The following CTDNEP1 variants were observed in gnomAD, a reference collection of about 807,000 sequenced individuals.
CTDNEP1 encodes C-terminal domain nuclear envelope phosphatase 1.
CTDNEP1 carries 3 observed loss-of-function variants against 30.1 expected under a neutral mutation model. The observed-to-expected ratio is 0.10, with a 90% CI of 0.05 to 0.26. The LOEUF (loss-of-function observed/expected upper bound fraction) is 0.26. CTDNEP1 is among the 10% of genes least tolerant of loss of function. The pLI, the probability that CTDNEP1 is intolerant of heterozygous loss-of-function variation, is 1.00. For synonymous variants in CTDNEP1, 123 were observed against 118.8 expected, an observed-to-expected ratio of 1.04 and a Z score of -0.23; for missense variants, 158 against 310.4, an observed-to-expected ratio of 0.51 and a Z score of 3.69.
chr17:7,247,524 A>C (rs2071857680), intron 1 of CTDNEP1, among the ~76,000 whole-genome samples, 181 bp from the exon 2 acceptor site: 1 of 147,336 alleles, frequency 6.8e-6, no homozygotes, highest in African/African-American at 2.5e-5. Flanking sequence ...GCTGGAGTGC[A>C]GCGGCATGAT....
At chr17:7,249,718 C>T (rs1429891026) in intron 1 of CTDNEP1, among the ~76,000 whole-genome samples, 2 of 152,180 alleles carry the variant, frequency 1.3e-5, no homozygotes, top group Non-Finnish European at 2.9e-5. Flanking sequence ...TGAGACCATC[C>T]TGGCCAACAT....
intron 6 of CTDNEP1, 32 bp downstream of exon 6, chr17:7,245,994 G>T: frequency 6.9e-7 from 1 of 1,451,364 alleles, no homozygotes; most frequent in Non-Finnish European, 9.7e-7. Context: ...ACCATGTTCT[G>T]GTCCTGCCAG....
rs1001722108 is a variant in CTDNEP1, at chr17:7,247,383, G to T, written c.103-40C>A. ...AAAGAGGATTGAAACCCTTGATAAGGAAGCCTTCCCCAGTAACAGTAACAG... is the reference window on the plus strand; with the variant it reads ...AAAGAGGATTGAAACCCTTGATAAGTAAGCCTTCCCCAGTAACAGTAACAG... On this transcript the variant is annotated intron_variant, in intron 1 of 7. Coordinates refer to ENST00000574322, the MANE Select transcript of CTDNEP1 (RefSeq NM_001143775.2). 10 of 1,538,940 alleles carry T rather than the reference G, an allele frequency of 6.5e-6. No individual in the cohort carries two copies. In the African/African-American group the frequency reaches 1.4e-4, roughly 21 times the overall value.
At chr17:7,248,087 C>T (rs901955387) in intron 1 of CTDNEP1, among the ~76,000 whole-genome samples, 2 of 150,758 alleles carry the variant, frequency 1.3e-5, no homozygotes, top group African/African-American at 4.9e-5. Context: ...ATGGTGAAAC[C>T]CCGTCTCTAC....
intron 6 of CTDNEP1, among the ~76,000 whole-genome samples, chr17:7,245,122 C>T (rs1050421003): frequency 3.9e-5 from 6 of 152,124 alleles, no homozygotes; most frequent in African/African-American, 9.7e-5. Context: ...GAAACTCCGT[C>T]GCTACTAAAA....
Position 7,247,081 on chromosome 17 carries a change from G to C in CTDNEP1, c.271C>G (p.Pro91Ala). The C allele has an allele frequency of 6.2e-7, 1 of 1,612,100 alleles. No individual in the cohort carries two copies. The highest frequency in any genetic ancestry group is 1.3e-5 in the African/African-American group (1 of 74,960). ...LRPTVRPGTP[P>A]DFILKVVIDK... ...CCACACACCTTGAGGATGAAGTCAG[G>C]AGGCGTACCAGGCCGGACTGTGGGC... The change falls in exon 3 of 8, where the codon CCT (proline) becomes GCT (alanine). Residue 91 changes from proline to alanine, a missense_variant. Physicochemically the swap from Pro to Ala is conservative, Grantham distance 27 (BLOSUM62 -1). Transcript: ENST00000574322.
rs34926505 is a variant in CTDNEP1, at chr17:7,244,031, TC to T, written c.*153del. ...CCCTGGCCCATGTGTCCATCCAGAC[TC>T]CAAGTGGAGTGTAGGGCTCCCAGGG... On this transcript the variant is annotated 3_prime_UTR_variant, in exon 8 of 8. Coordinates refer to ENST00000574322, the MANE Select transcript of CTDNEP1 (RefSeq NM_001143775.2). 7.0e-7 allele frequency: 1 copy of T among 1,435,602 alleles called. No homozygotes were observed. The highest frequency in any genetic ancestry group is 2.6e-4 in the Middle Eastern group (1 of 3,878). The allele number at this position is 1,435,602 out of a possible 1,614,324, so 88.9% of individuals were successfully genotyped here. A position where few individuals can be genotyped will look rare whatever the true frequency, so the allele number is the denominator to read the frequency against.
rs762077279 is a variant in CTDNEP1, at chr17:7,244,213, C to T, written c.707G>A (p.Arg236Gln). Reference protein sequence around the residue: ...FTADVRSVLSRNLHQHRLW With the variant: ...FTADVRSVLSQNLHQHRLW ...CCAGAGCCGATGTTGGTGAAGGTTTCGGCTCAGCACGGAACGAACATCAGC... is the reference window on the plus strand; with the variant it reads ...CCAGAGCCGATGTTGGTGAAGGTTTTGGCTCAGCACGGAACGAACATCAGC... Residue 236 changes from arginine to glutamine, a missense_variant, in exon 8 of 8, where the codon CGA becomes CAA. Around this residue, in one of 2 missense-constraint regions of CTDNEP1, gnomAD observed 96 missense variants for 229.1 expected, o/e 0.42. Transcript: ENST00000574322. 1 of 1,613,916 alleles carries T rather than the reference C, an allele frequency of 6.2e-7. No homozygotes were observed. The highest frequency in any genetic ancestry group is 1.3e-5 in the African/African-American group (1 of 74,922).
chr17:7,249,358 C>T (rs902238327), intron 1 of CTDNEP1, among the ~76,000 whole-genome samples: 4 of 152,110 alleles, frequency 2.6e-5, no homozygotes, highest in Non-Finnish European at 5.9e-5. Flanking sequence ...TGATGAGGTC[C>T]GAAAGAGCTC....
chr17:7,246,146 C>G lies in CTDNEP1; in HGVS notation c.478-9G>C. 1.2e-6 allele frequency: 2 copies of G among 1,609,520 alleles called. No individual in the cohort carries two copies. Among genetic ancestry groups the G allele is most frequent in the Non-Finnish European group, 1.7e-6 (2 of 1,175,898 alleles). On this transcript the variant is annotated splice_polypyrimidine_tract_variant and intron_variant, in intron 5 of 7. Transcript: ENST00000574322. The surrounding 1 kb of genome is among the most constrained non-coding windows in gnomAD (Gnocchi z 4.9). Reference sequence around the variant, plus strand: ...AACTCCAAAGTGCAGTGCTGGAAGGCAGGGGATCATGTAGCAGGCCTCTCT... The same window carrying G: ...AACTCCAAAGTGCAGTGCTGGAAGGGAGGGGATCATGTAGCAGGCCTCTCT...
Position 7,244,091 on chromosome 17 carries a change from G to C in CTDNEP1, c.*94C>G. The C allele has an allele frequency of 1.9e-6, 3 of 1,572,864 alleles. No homozygotes were observed. The South Asian group carries it at 3.4e-5, about 18-fold the overall frequency. On this transcript the variant is annotated 3_prime_UTR_variant, in exon 8 of 8. Transcript: ENST00000574322. ...GGTGGGAGGGGCAGACCCTGCCCAG[G>C]CAGTCCTCACATTGGACAGGGCATC... is the stretch of plus-strand genomic sequence containing the variant.
chr17:7,249,516 G>A (rs1440369537), intron 1 of CTDNEP1, among the ~76,000 whole-genome samples: 1 of 152,226 alleles, frequency 6.6e-6, no homozygotes, highest in Non-Finnish European at 1.5e-5. Context: ...CCAAAGGAGA[G>A]CAATTTTGGA....
In CTDNEP1 at chr17:7,246,021, C is replaced by T. The variant is rs752256755; in HGVS notation, c.589+5G>A. On this transcript the variant is annotated splice_donor_5th_base_variant and intron_variant, in intron 6 of 7. Coordinates refer to ENST00000574322, the MANE Select transcript of CTDNEP1 (RefSeq NM_001143775.2). This position sits in a 1 kb window ranked among gnomAD's most constrained non-coding sequence, Gnocchi z 4.9. Reference sequence around the variant, plus strand: ...TCCTGCCAGACTCACCACCTTCCCCCGTACCTGGATGGCTCCTGTAAGCCC... The same window carrying T: ...TCCTGCCAGACTCACCACCTTCCCCTGTACCTGGATGGCTCCTGTAAGCCC... The T allele has an allele frequency of 6.9e-6, 11 of 1,601,700 alleles. No individual in the cohort carries two copies. The highest frequency in any genetic ancestry group is 2.2e-5 in the South Asian group (2 of 90,780).
At chr17:7,247,456 G>A (rs2142998680) in intron 1 of CTDNEP1, 113 bp from the exon 2 acceptor site, 2 of 792,176 alleles carry the variant, frequency 2.5e-6, no homozygotes, top group Non-Finnish European at 2.1e-6. Context: ...TGTAATTTAG[G>A]CTTATTTCTT....
chr17:7,245,749 C>T (rs952943834), intron 6 of CTDNEP1, among the ~76,000 whole-genome samples: 19 of 151,962 alleles, frequency 1.3e-4, no homozygotes, highest in Non-Finnish European at 1.0e-4. Context: ...CCGCCTGCCT[C>T]GGCCTCCCAA....
At chr17:7,244,686 G>A in intron 6 of CTDNEP1, 51 bp from the exon 7 acceptor site, 1 of 1,358,916 alleles carries the variant, frequency 7.4e-7, no homozygotes, top group South Asian at 1.3e-5. Context: ...AAGAGAGACG[G>A]TGTTTTTCTC....
intron 1 of CTDNEP1, 25 bp from the exon 2 acceptor site, chr17:7,247,368 G>A: frequency 6.3e-7 from 1 of 1,597,582 alleles, no homozygotes; most frequent in Non-Finnish European, 8.6e-7. Flanking sequence ...AAAGAGGATT[G>A]AAACCCTTGA....
rs1387575802 is a variant in CTDNEP1 at position 7,246,101 on chromosome 17, G to C, written c.514C>G (p.Leu172Val). 6.2e-7 allele frequency: 1 copy of C among 1,613,978 alleles called. No homozygotes were observed. Among genetic ancestry groups the C allele is most frequent in the African/African-American group, 1.3e-5 (1 of 74,918 alleles). ...GAGAGGTCACTGTGGACCACAGAGA[G>C]GTCCTTGATGTAGCTGCCCAACTCC... ...TLELGSYIKD[L>V]SVVHSDLSSI... is the part of the protein sequence containing the mutation. Residue 172 changes from leucine (L) to valine (V), a missense_variant, in exon 6 of 8, where the codon CTC (leucine) becomes GTC (valine). By Grantham distance (32) the Leu-to-Val change is conservative. This residue lies in a region of CTDNEP1 where 96 missense variants were observed against 229.1 expected (regional missense o/e 0.42). Coordinates refer to ENST00000574322, the MANE Select transcript of CTDNEP1 (RefSeq NM_001143775.2). The surrounding 1 kb of genome is among the most constrained non-coding windows in gnomAD (Gnocchi z 4.9).
rs752476194 is a variant in CTDNEP1, at chr17:7,251,201, G to C, written c.96C>G (p.Ile32Met). 3 of 1,599,198 alleles carry C rather than the reference G, an allele frequency of 1.9e-6. No homozygotes were observed. Among genetic ancestry groups the C allele is most frequent in the Admixed American group, 3.5e-5 (2 of 57,924 alleles). The stretch of plus-strand genomic sequence containing the variant: ...AGCGCCCACCCTGGCTCACCGTGCG[G>C]ATCTGCCTCCGCAGAAGGTAAATGA... Reference protein sequence around the residue: ...SFFIYLLRRQIRTVIQYQTVR... With the variant: ...SFFIYLLRRQMRTVIQYQTVR... The change falls in exon 1 of 8, where the codon ATC becomes ATG. Residue 32 changes from isoleucine to methionine, a missense_variant. Around this residue, in one of 2 missense-constraint regions of CTDNEP1, gnomAD observed 62 missense variants for 81.4 expected, o/e 0.76. Transcript: ENST00000574322.
Sources: gnomAD v4.1 joint callset for allele counts (sites outside exome capture counted in the v4.1 genomes callset) on GRCh38, gnomAD v4.1.1 for gene constraint, gnomAD v4.1.1 regional missense constraint, Gnocchi (gnomAD v3.1) non-coding constraint, MANE v1.5 for transcripts, NCBI Gene and HGNC (gene_info 2026-07-23, HGNC 2026-07-21) for gene names.